Variants in FOCAD observed in about 807,000 individuals in gnomAD.
FOCAD encodes focadhesin, also known as KIAA1797.
Under a neutral mutation model 225.6 loss-of-function variants are expected in FOCAD, and 198 were observed. The observed-to-expected ratio is 0.88, with a 90% CI of 0.78 to 0.99. FOCAD has a LOEUF of 0.99. Ranked by LOEUF, FOCAD falls within the 50% of genes least tolerant of loss-of-function variation. The pLI, the probability that FOCAD is intolerant of heterozygous loss-of-function variation, is 0.00. For missense variants in FOCAD, 2,713 were observed against 2,123.6 expected, an observed-to-expected ratio of 1.28 and a Z score of -5.46; for synonymous variants, 897 against 755.0, an observed-to-expected ratio of 1.19 and a Z score of -3.08.
intron 27 of FOCAD, among the ~76,000 whole-genome samples, chr9:20,930,723 T>G (rs1835387444): frequency 6.6e-6 from 1 of 152,204 alleles, no homozygotes; most frequent in Admixed American, 6.5e-5. Context: ...ATTCTCTTAG[T>G]CTTTGAGACC....
intron 29 of FOCAD, 35 bp from the exon 30 acceptor site, chr9:20,946,666 T>C (rs1837212539): frequency 1.9e-6 from 3 of 1,589,470 alleles, no homozygotes; most frequent in Non-Finnish European, 2.6e-6. Context: ...TTTTTCCTCC[T>C]GAAGACATAT....
At chr9:20,827,398 ATAT>A (rs1825010214) in intron 15 of FOCAD, among the ~76,000 whole-genome samples, 1 of 152,052 alleles carries the variant, frequency 6.6e-6, no homozygotes, top group Non-Finnish European at 1.5e-5. Context: ...TTATTGTTGA[ATAT>A]TATTCTGTTT....
At chr9:20,880,123 A>G (rs1327398435) in intron 19 of FOCAD, among the ~76,000 whole-genome samples, 1 of 152,136 alleles carries the variant, frequency 6.6e-6, no homozygotes, top group South Asian at 2.1e-4. Flanking sequence ...TTTTGTGTAA[A>G]TGATGTATTG....
chr9:20,871,422 C>T (rs1386641233), intron 18 of FOCAD, among the ~76,000 whole-genome samples: 2 of 151,562 alleles, frequency 1.3e-5, no homozygotes, highest in Non-Finnish European at 2.9e-5. Context: ...AATATTATTG[C>T]CAAAATTTTA....
intron 2 of FOCAD, chr9:20,716,282 G>T: frequency 3.4e-6 from 1 of 295,000 alleles, no homozygotes; most frequent in Non-Finnish European, 8.1e-6. Flanking sequence ...GAGTCTCTTT[G>T]TTAACATAGA....
chr9:20,976,353 G>A (rs1456390848), intron 35 of FOCAD, 67 bp from the exon 36 acceptor site: 2 of 1,472,242 alleles, frequency 1.4e-6, no homozygotes, highest in Non-Finnish European at 1.9e-6. Flanking sequence ...AGAAGGAATT[G>A]TTGGCATTTT....
intron 15 of FOCAD, among the ~76,000 whole-genome samples, chr9:20,834,284 C>T (rs988222486): frequency 7.9e-5 from 12 of 151,764 alleles, no homozygotes; most frequent in Non-Finnish European, 1.3e-4. Flanking sequence ...GAACAACACA[C>T]ACTGGGGTCT....
At chr9:20,762,526 AAATT>A (rs1829695905) in intron 6 of FOCAD, among the ~76,000 whole-genome samples, 2 of 152,250 alleles carry the variant, frequency 1.3e-5, no homozygotes, top group African/African-American at 4.8e-5. Flanking sequence ...CCAAGTGAAT[AAATT>A]AATGAATGAA....
chr9:20,902,891 C>G (rs1832673058), intron 21 of FOCAD, among the ~76,000 whole-genome samples: 1 of 151,796 alleles, frequency 6.6e-6, no homozygotes, highest in African/African-American at 2.4e-5. Context: ...AAGAAGTGTG[C>G]AAAGTCTAAT....
At chr9:20,851,754 T>C (rs1827681580) in intron 15 of FOCAD, among the ~76,000 whole-genome samples, 1 of 151,842 alleles carries the variant, frequency 6.6e-6, no homozygotes, top group Non-Finnish European at 1.5e-5. Flanking sequence ...TCTAATCTAA[T>C]TGCTAAGCTG....
chr9:20,876,568 G>C (rs1199876317), intron 19 of FOCAD, among the ~76,000 whole-genome samples: 2 of 152,158 alleles, frequency 1.3e-5, no homozygotes, highest in Non-Finnish European at 2.9e-5. Context: ...TGAGAAAGAA[G>C]GGGAAGAGTT....
At chr9:20,770,413 G>A (rs1246070212) in intron 8 of FOCAD, among the ~76,000 whole-genome samples, 175 bp downstream of exon 8, 1 of 152,166 alleles carries the variant, frequency 6.6e-6, no homozygotes, top group Middle Eastern at 3.2e-3. Flanking sequence ...TACAATCATG[G>A]TGGAAGGTGA....
intron 1 of FOCAD, among the ~76,000 whole-genome samples, chr9:20,704,185 C>T (rs1397398393): frequency 1.3e-5 from 2 of 152,204 alleles, no homozygotes; most frequent in Non-Finnish European, 2.9e-5. Context: ...ACTGCGATAA[C>T]TTTGTTTTTG....
Position 20,746,192 on chromosome 9 carries a change from G to A in FOCAD, c.392+5852G>A, listed in dbSNP as rs1828020701. On this transcript the variant is annotated intron_variant, in intron 5 of 43. Coordinates refer to ENST00000338382, the MANE Select transcript of FOCAD (RefSeq NM_001375567.1). The stretch of plus-strand genomic sequence containing the variant: ...TTAATTTCAATAACTAGCTTTTTAA[G>A]CATTGTTTTTGCATTTTCTCCTATT... 2.0e-5 allele frequency among the ~76,000 whole-genome samples: 3 copies of A among 152,152 alleles called. No individual in the cohort carries two copies. The South Asian group carries it at 6.2e-4, about 32-fold the overall frequency.
intron 7 of FOCAD, among the ~76,000 whole-genome samples, chr9:20,766,090 C>T (rs1312163315): frequency 2.0e-5 from 3 of 152,126 alleles, no homozygotes; most frequent in African/African-American, 7.2e-5. Flanking sequence ...ACATCTTGAA[C>T]TAGGGTACAT....
intron 1 of FOCAD, among the ~76,000 whole-genome samples, chr9:20,686,449 A>G (rs967892642): frequency 3.3e-5 from 5 of 152,234 alleles, no homozygotes; most frequent in African/African-American, 1.2e-4. Context: ...CCTGATCAAG[A>G]TTGCAAGGTT....
intron 11 of FOCAD, among the ~76,000 whole-genome samples, chr9:20,813,347 T>C (rs1823292085): frequency 6.6e-6 from 1 of 152,106 alleles, no homozygotes; most frequent in Non-Finnish European, 1.5e-5. Flanking sequence ...TTCCTCAAAA[T>C]CCTGATTTCA....
chr9:20,823,671 G>T (rs1302408732), intron 15 of FOCAD, among the ~76,000 whole-genome samples: 4 of 152,078 alleles, frequency 2.6e-5, no homozygotes, highest in Non-Finnish European at 5.9e-5. Context: ...GAGAAATGTG[G>T]TAATTGCACC....
chr9:20,782,068 C>G, intron 10 of FOCAD, 139 bp downstream of exon 10: 2 of 698,218 alleles, frequency 2.9e-6, no homozygotes, highest in Non-Finnish European at 4.9e-6. Flanking sequence ...TTGGAGATCT[C>G]AACATATTCT....
Sources: allele counts gnomAD v4.1 joint callset (sites outside exome capture counted in the v4.1 genomes callset), GRCh38; gene constraint gnomAD v4.1.1; transcripts MANE v1.5; gene names NCBI Gene and HGNC (gene_info 2026-07-23, HGNC 2026-07-21).